The following GPHN variants were observed in gnomAD, a reference collection of about 807,000 sequenced individuals.
GPHN encodes gephyrin.
GPHN carries 17 observed loss-of-function variants against 95.5 expected under a neutral mutation model. The observed-to-expected ratio is 0.18, with a 90% CI of 0.12 to 0.27. The LOEUF is 0.27. Among genes scored for constraint, GPHN ranks in the 10% least tolerant of loss-of-function variants. The pLI, the probability that GPHN is intolerant of heterozygous loss-of-function variation, is 1.00. For missense variants in GPHN, 660 were observed against 978.1 expected, an observed-to-expected ratio of 0.67 and a Z score of 4.34; for synonymous variants, 320 against 322.5, an observed-to-expected ratio of 0.99 and a Z score of 0.08.
At chr14:67,127,822 G>A (rs2079427200) in intron 17 of GPHN, among the ~76,000 whole-genome samples, 1 of 152,170 alleles carries the variant, frequency 6.6e-6, no homozygotes, top group South Asian at 2.1e-4. Context: ...TAAGAAGAAA[G>A]AGATTAAATA....
chr14:67,581,103 C>A, the GPHN span: 1 of 982,160 alleles, frequency 1.0e-6, no homozygotes, highest in Non-Finnish European at 1.6e-6. Flanking sequence ...AGCTCATCGC[C>A]TCCTCGACTA....
rs1470989707 is a variant in GPHN, at chr14:66,887,697, G to T, written c.389+7664G>T. On this transcript the variant is annotated intron_variant, in intron 5 of 22. Transcript: ENST00000478722. ...CCTTTTACCTGGTATATCATGTTTG[G>T]CTATGAAGAAAAATTACAAGGCATA... Among the ~76,000 whole-genome samples, 3 of 152,116 alleles carry T rather than the reference G, an allele frequency of 2.0e-5. No individual in the cohort carries two copies. In the South Asian group the frequency reaches 6.2e-4, roughly 32 times the overall value.
chr14:67,204,876 T>C, the GPHN span: 1 of 1,613,932 alleles, frequency 6.2e-7, no homozygotes, highest in Middle Eastern at 1.6e-4. Flanking sequence ...ACAGCATAGA[T>C]TTCCCAGAAT....
chr14:66,878,820 G>A (rs1234817670), intron 4 of GPHN, among the ~76,000 whole-genome samples: 1 of 152,118 alleles, frequency 6.6e-6, no homozygotes, highest in Non-Finnish European at 1.5e-5. Context: ...ATTCCTCAAG[G>A]ATCTAGACCC....
the GPHN span, among the ~76,000 whole-genome samples, chr14:67,285,952 A>G: frequency 2.0e-4 from 31 of 152,208 alleles, no homozygotes; most frequent in Non-Finnish European, 3.7e-4. Flanking sequence ...TTACTTTAGA[A>G]TAATATATTC....
At chr14:67,413,550 A>C in the GPHN span, among the ~76,000 whole-genome samples, 1 of 152,228 alleles carries the variant, frequency 6.6e-6, no homozygotes, top group Admixed American at 6.5e-5. Flanking sequence ...TTTCAGAACC[A>C]GACTGAAGCC....
At chr14:67,288,543 C>G in the GPHN span, among the ~76,000 whole-genome samples, 1 of 152,170 alleles carries the variant, frequency 6.6e-6, no homozygotes, top group Non-Finnish European at 1.5e-5. Context: ...ATTTAATTGT[C>G]TACTCAGAGA....
At chr14:67,053,125 T>C (rs539915812) in intron 10 of GPHN, among the ~76,000 whole-genome samples, 9 of 95,912 alleles carry the variant, frequency 9.4e-5, no homozygotes, top group African/African-American at 1.2e-4. Context: ...CTGAAGGAGA[T>C]AGAGACACGA....
intron 1 of GPHN, among the ~76,000 whole-genome samples, chr14:66,545,985 CG>C (rs542603182): frequency 6.8e-6 from 1 of 146,308 alleles, no homozygotes; most frequent in African/African-American, 2.5e-5. Context: ...GGGGCGGCTT[CG>C]GGGGGGAGGG....
chr14:67,089,145 T>TTTTTTTTTTTTTTTTA (rs1452885538), intron 12 of GPHN, 70 bp downstream of exon 12: 1 of 482,174 alleles, frequency 2.1e-6, no homozygotes, highest in African/African-American at 4.0e-5. Flanking sequence ...TTTTTTTTTT[T>TTTTTTTTTTTTTTTTA]TTTTTTTTTT....
chr14:66,559,880 A>G (rs947732853), intron 1 of GPHN, among the ~76,000 whole-genome samples: 1 of 152,150 alleles, frequency 6.6e-6, no homozygotes, highest in Non-Finnish European at 1.5e-5. Flanking sequence ...TAGGTCTAAC[A>G]TGTAAGTCTT....
intron 3 of GPHN, among the ~76,000 whole-genome samples, chr14:66,821,001 A>G (rs968239153): frequency 6.6e-6 from 1 of 152,222 alleles, no homozygotes. Flanking sequence ...AAAATAAACA[A>G]TGTCCTCAGC....
intron 18 of GPHN, among the ~76,000 whole-genome samples, chr14:67,158,727 AT>A (rs1290566022): frequency 1.3e-5 from 2 of 152,122 alleles, no homozygotes; most frequent in African/African-American, 2.4e-5. Context: ...CAAAGATCAG[AT>A]TTTGTAATAT....
chr14:66,915,061 T>C (rs931366317), intron 5 of GPHN, among the ~76,000 whole-genome samples: 8 of 152,028 alleles, frequency 5.3e-5, no homozygotes, highest in African/African-American at 1.9e-4. Context: ...TTCAGATATA[T>C]GGAAAGTTGT....
At chr14:67,383,558 A>C in the GPHN span, 4 of 1,415,264 alleles carry the variant, frequency 2.8e-6, no homozygotes, top group Non-Finnish European at 3.9e-6. Context: ...TTTTATTTCT[A>C]AGTATTTAAA....
intron 9 of GPHN, among the ~76,000 whole-genome samples, chr14:67,002,835 G>C (rs145636142): frequency 1.4e-3 from 206 of 151,452 alleles, no homozygotes; most frequent in African/African-American, 4.8e-3. Flanking sequence ...GTTATTTTTT[G>C]TTTCAACTAA....
chr14:67,651,396 G>A, the GPHN span: 5 of 1,613,862 alleles, frequency 3.1e-6, no homozygotes, highest in African/African-American at 1.3e-5. Flanking sequence ...CAATGGCTGC[G>A]AAAGAATTTG....
the GPHN span, among the ~76,000 whole-genome samples, chr14:67,252,339 G>C: frequency 6.6e-6 from 1 of 150,894 alleles, no homozygotes; most frequent in Non-Finnish European, 1.5e-5. Context: ...ATTTTTTGTA[G>C]AGATGAGGTC....
At chr14:67,344,752 C>A in the GPHN span, among the ~76,000 whole-genome samples, 2 of 151,626 alleles carry the variant, frequency 1.3e-5, no homozygotes, top group African/African-American at 4.9e-5. Flanking sequence ...CGAGGTGGCA[C>A]AAACTTGTAG....
Sources: gnomAD v4.1 joint callset for allele counts (sites outside exome capture counted in the v4.1 genomes callset) on GRCh38, gnomAD v4.1.1 for gene constraint, MANE v1.5 for transcripts, NCBI Gene and HGNC (gene_info 2026-07-23, HGNC 2026-07-21) for gene names.